SLC26A8: variants seen among roughly 807,000 people sequenced by gnomAD.
SLC26A8 encodes the protein solute carrier family 26 member 8.
SLC26A8 carries 70 observed loss-of-function variants against 105.0 expected under a neutral mutation model. That is an observed-to-expected ratio of 0.67 (90% confidence interval 0.55 to 0.81). The LOEUF (loss-of-function observed/expected upper bound fraction) is 0.81, where lower values mean the gene tolerates loss of function less well. Among genes scored for constraint, SLC26A8 ranks in the 40% least tolerant of loss-of-function variants. The pLI is 0.00. For missense variants in SLC26A8, 998 were observed against 1,181.8 expected (o/e 0.84, Z 2.28); for synonymous variants, 415 against 438.3 (o/e 0.95, Z 0.66).
chr6:35,978,147 A>G (rs1267050295), intron 8 of SLC26A8, among the ~76,000 whole-genome samples: 14 of 110,712 alleles, frequency 1.3e-4, no homozygotes, highest in African/African-American at 6.0e-4. Flanking sequence ...GCACAAGAAG[A>G]AAAAAAAAAA....
chr6:35,975,436 C>G lies in SLC26A8; in HGVS notation c.1226G>C (p.Cys409Ser), dbSNP rs1305197771. ...CCTAGCAATAGCACCAGTAAACACACAAGATCTGAAAAATGAACTGACGAC... is the reference window on the plus strand; with the variant it reads ...CCTAGCAATAGCACCAGTAAACACAGAAGATCTGAAAAATGAACTGACGAC... ...CNVVSSFFRS[C>S]VFTGAIARTI... Residue 409 changes from cysteine to serine, a missense_variant, in exon 10 of 20, where the codon TGT (cysteine) becomes TCT (serine). Coordinates refer to ENST00000490799, the MANE Select transcript of SLC26A8 (RefSeq NM_052961.4). 2 of 1,613,718 alleles carry G rather than the reference C, an allele frequency of 1.2e-6. No individual in the cohort carries two copies. Among genetic ancestry groups the G allele is most frequent in the East Asian group, 4.5e-5 (2 of 44,882 alleles).
At chr6:35,954,149 T>C (rs1581626116) in intron 17 of SLC26A8, among the ~76,000 whole-genome samples, 1 of 152,278 alleles carries the variant, frequency 6.6e-6, no homozygotes, top group East Asian at 1.9e-4. Flanking sequence ...ATCAATATGG[T>C]TAGCTGTGCA....
At chr6:35,955,622 T>C in intron 16 of SLC26A8, 102 bp from the exon 17 acceptor site, 8 of 1,454,742 alleles carry the variant, frequency 5.5e-6, no homozygotes, top group Non-Finnish European at 7.4e-6. Flanking sequence ...CATGTCCCTC[T>C]CTCATGAAAC....
In SLC26A8 at chr6:35,944,360, G is replaced by A. The variant is rs750933574; in HGVS notation, c.2473-20C>T. ...GTCATTCTGAAATACAATTAGGTGG[G>A]TTAAAATTTCTAATTAAATTTAACC... On this transcript the variant is annotated intron_variant, in intron 19 of 19. Coordinates refer to ENST00000490799, the MANE Select transcript of SLC26A8 (RefSeq NM_052961.4). The A allele has an allele frequency of 1.3e-6, 2 of 1,550,100 alleles. No homozygotes were observed. Among genetic ancestry groups the A allele is most frequent in the African/African-American group, 2.7e-5 (2 of 73,054 alleles).
At chr6:35,960,630 T>C (rs137885352) in intron 14 of SLC26A8, 266 of 593,090 alleles carry the variant, frequency 4.5e-4, no homozygotes, top group Middle Eastern at 2.3e-3. Flanking sequence ...CACTGTACTG[T>C]CCAGCTTGGG....
chr6:35,997,835 A>G lies in SLC26A8; in HGVS notation c.530T>C (p.Phe177Ser). ...FNNGQLVMGS[F>S]VKNEFSAPSY... ...GGGGGCCGAAAACTCATTCTTGACG[A>G]AAGATCCCATGACCAGTTGACCGTT... Residue 177 changes from phenylalanine to serine, a missense_variant, in exon 5 of 20, where the codon TTC becomes TCC. Physicochemically the swap from Phe to Ser is radical, Grantham distance 155. Coordinates refer to ENST00000490799, the MANE Select transcript of SLC26A8 (RefSeq NM_052961.4). 12 of 1,614,180 alleles carry G rather than the reference A, an allele frequency of 7.4e-6. No homozygotes were observed. The highest frequency in any genetic ancestry group is 1.7e-5 in the Admixed American group (1 of 60,018).
intron 7 of SLC26A8, among the ~76,000 whole-genome samples, chr6:35,984,316 CTTA>C (rs1554165394): frequency 1.0e-5 from 1 of 95,988 alleles, no homozygotes. Context: ...TCTTCTTCTT[CTTA>C]TTTTTTTTTT....
At chr6:35,968,980 G>C in intron 10 of SLC26A8, 26 bp from the exon 11 acceptor site, 1 of 1,604,210 alleles carries the variant, frequency 6.2e-7, no homozygotes, top group Non-Finnish European at 8.5e-7. Flanking sequence ...CAGTTGGAGA[G>C]AAACCATCAG....
At chr6:35,979,052 A>T (rs1416031366) in intron 8 of SLC26A8, among the ~76,000 whole-genome samples, 1 of 128,206 alleles carries the variant, frequency 7.8e-6, no homozygotes, top group East Asian at 2.2e-4. Context: ...GAGTCTCACC[A>T]TGTTGCCCAG....
At chr6:35,968,772 G>GACCCCC in intron 11 of SLC26A8, 105 bp downstream of exon 11, 10 of 103,684 alleles carry the variant, frequency 9.6e-5, no homozygotes, top group South Asian at 2.2e-4. Context: ...CCTCGGAGAT[G>GACCCCC]CCCGCCCCCC....
intron 11 of SLC26A8, among the ~76,000 whole-genome samples, chr6:35,968,204 G>T (rs1180694584): frequency 6.6e-6 from 1 of 151,588 alleles, no homozygotes; most frequent in East Asian, 1.9e-4. Flanking sequence ...GAGTGCAGTG[G>T]TGGGATCTCG....
chr6:36,023,789 T>A (rs1762187904), intron 1 of SLC26A8, among the ~76,000 whole-genome samples: 1 of 152,100 alleles, frequency 6.6e-6, no homozygotes, highest in Admixed American at 6.6e-5. Context: ...ACTACCTAGG[T>A]TTTTATGGAG....
chr6:35,986,379 A>C (rs926256806), intron 7 of SLC26A8, among the ~76,000 whole-genome samples: 8 of 152,164 alleles, frequency 5.3e-5, no homozygotes, highest in African/African-American at 1.9e-4. Context: ...ATCTCTTGGC[A>C]ATTTTCAAGA....
At chr6:35,990,247 G>T in intron 7 of SLC26A8, 1 of 196,834 alleles carries the variant, frequency 5.1e-6, no homozygotes, top group Non-Finnish European at 1.0e-5. Context: ...TCTGCTCTGT[G>T]GTTCTTGAGC....
chr6:36,016,974 C>G (rs941477371), intron 2 of SLC26A8, among the ~76,000 whole-genome samples: 4 of 152,002 alleles, frequency 2.6e-5, no homozygotes, highest in Non-Finnish European at 5.9e-5. Flanking sequence ...GAATTTGAGA[C>G]CAGCCTGACC....
Position 35,991,697 on chromosome 6 carries a change from T to G in SLC26A8, c.904A>C (p.Asn302His), listed in dbSNP as rs766309755. ...ATGGGAAACTCAATGGGATACTGAT[T>G]GAAAGAAATTCTGATACATTTGTTG... ...RINKCIRISFNQYPIEFPMEL... is the reference protein window; with the variant it reads ...RINKCIRISFHQYPIEFPMEL... The change falls in exon 7 of 20, where the codon AAT becomes CAT. Residue 302 changes from asparagine to histidine, a missense_variant. By Grantham distance (68) the Asn-to-His change is moderately conservative. Coordinates refer to ENST00000490799, the MANE Select transcript of SLC26A8 (RefSeq NM_052961.4). 8.7e-6 allele frequency: 14 copies of G among 1,604,232 alleles called. No homozygotes were observed. Among genetic ancestry groups the G allele is most frequent in the Middle Eastern group, 1.7e-4 (1 of 6,026 alleles).
intron 3 of SLC26A8, among the ~76,000 whole-genome samples, chr6:36,008,592 C>T (rs1761759078): frequency 6.6e-6 from 1 of 152,174 alleles, no homozygotes. Flanking sequence ...TATGAAAAGG[C>T]AGGCTCCAGA....
intron 19 of SLC26A8, among the ~76,000 whole-genome samples, chr6:35,945,170 A>T (rs1028791575): frequency 9.2e-5 from 14 of 152,094 alleles, no homozygotes; most frequent in South Asian, 2.1e-4. Context: ...TTTCATTAAA[A>T]TTTTTTTTAA....
chr6:35,943,975 C>T lies in SLC26A8; in HGVS notation c.2838G>A (p.Arg946=), dbSNP rs201239517. 85 of 1,614,172 alleles carry T rather than the reference C, an allele frequency of 5.3e-5. No homozygotes were observed. Among genetic ancestry groups the T allele is most frequent in the Middle Eastern group, 1.6e-4 (1 of 6,062 alleles). The change falls in exon 20 of 20, where the codon CGG becomes CGA. Residue 946 remains arginine (R), a synonymous_variant. Coordinates refer to ENST00000490799, the MANE Select transcript of SLC26A8 (RefSeq NM_052961.4). ...GGCGTCTCCTCTCCACTGACCATGT[C>T]CGAGTCTGAGTCTGAGACTGGGTGG... The part of the protein sequence containing the change: ...MASTQSQTQT[R]TWSVERRRHP...
Sources: gnomAD v4.1 joint callset for allele counts (sites outside exome capture counted in the v4.1 genomes callset) on GRCh38, gnomAD v4.1.1 for gene constraint, MANE v1.5 for transcripts, NCBI Gene and HGNC (gene_info 2026-07-23, HGNC 2026-07-21) for gene names.